The following MEP1B variants were observed in gnomAD, a reference collection of about 807,000 sequenced individuals.
MEP1B encodes the protein meprin A subunit beta.
A neutral mutation model predicts 84.6 loss-of-function variants in MEP1B; 80 were observed. The ratio of observed to expected loss-of-function variants is 0.95; its 90% CI spans 0.79 to 1.14. The LOEUF is 1.14. MEP1B is among the 50% of genes most tolerant of loss of function. The probability of loss-of-function intolerance (pLI) is 0.00; values close to 1 mark genes in which losing one functional copy is unlikely to be tolerated. For synonymous variants in MEP1B, 273 were observed against 288.1 expected (o/e 0.95, Z 0.53); for missense variants, 766 against 855.1 (o/e 0.90, Z 1.30).
At position 32,196,642 on chromosome 18, in the gene MEP1B, C is replaced by T; in HGVS notation, c.250+1157C>T. ...CTGTGCAGCACCCGCCTGATGTTGT[C>T]CAGCACGCCACCTCGGGGTGTCTTC... On this transcript the variant is annotated intron_variant, in intron 5 of 14. Transcript: ENST00000269202. This position sits in a 1 kb window ranked among gnomAD's most constrained non-coding sequence, Gnocchi z 4.4. The T allele has an allele frequency of 1.4e-6, 1 of 696,650 alleles. No individual in the cohort carries two copies. The highest frequency in any genetic ancestry group is 2.6e-5 in the East Asian group (1 of 38,490). 43.2% of individuals were successfully genotyped at this position (696,650 alleles called of 1,614,324 possible).
chr18:32,197,857 C>T (rs767123121), intron 5 of MEP1B, among the ~76,000 whole-genome samples: 34 of 152,186 alleles, frequency 2.2e-4, no homozygotes, highest in Non-Finnish European at 3.8e-4. Context: ...GCATAGCACC[C>T]AATAGGTGGC....
At position 32,196,230 on chromosome 18, in the gene MEP1B, G is replaced by A. The variant is rs956777387; in HGVS notation, c.250+745G>A. ...TTTGGCTGAGAGGAATGAAGAGGAT[G>A]CCATTGATGCCTTTGAACTGCTCCA... On this transcript the variant is annotated intron_variant, in intron 5 of 14. Coordinates refer to ENST00000269202, the MANE Select transcript of MEP1B (RefSeq NM_005925.3). This position sits in a 1 kb window ranked among gnomAD's most constrained non-coding sequence, Gnocchi z 4.4. 4.9e-5 allele frequency: 34 copies of A among 696,264 alleles called. No homozygotes were observed. In the African/African-American group the frequency reaches 5.1e-4, roughly 10 times the overall value. The allele number at this position is 696,264 out of a possible 1,614,324, so 43.1% of individuals were successfully genotyped here.
In MEP1B at chr18:32,219,213, C is replaced by G. The variant is rs1287184889; in HGVS notation, c.2092-1018C>G. Among the ~76,000 whole-genome samples, 9 of 152,096 alleles carry G rather than the reference C, an allele frequency of 5.9e-5. No homozygotes were observed. The East Asian group carries it at 1.3e-3, about 23-fold the overall frequency. ...AGCTACGAGTTTTTAAAGGGGACAG[C>G]CTGGTATCAAGTCAGTCAAAACATG... On this transcript the variant is annotated intron_variant, in intron 14 of 14. Coordinates refer to ENST00000269202, the MANE Select transcript of MEP1B (RefSeq NM_005925.3).
At chr18:32,201,205 T>C (rs1250343061) in intron 5 of MEP1B, among the ~76,000 whole-genome samples, 3 of 152,128 alleles carry the variant, frequency 2.0e-5, no homozygotes, top group Non-Finnish European at 4.4e-5. Flanking sequence ...AGTATTATCA[T>C]ACCTTATTTG....
At chr18:32,210,269 T>G (rs1008708252) in intron 9 of MEP1B, among the ~76,000 whole-genome samples, 11 of 152,252 alleles carry the variant, frequency 7.2e-5, no homozygotes, top group African/African-American at 2.7e-4. Context: ...AAACTACTAT[T>G]GTAAGTAAAC....
At chr18:32,202,834 A>G in intron 5 of MEP1B, 59 bp from the exon 6 acceptor site, 1 of 1,077,546 alleles carries the variant, frequency 9.3e-7, no homozygotes, top group South Asian at 1.4e-5. Context: ...GCTTCCATGG[A>G]AGATTTTTCA....
chr18:32,209,643 A>T (rs1418638291), intron 9 of MEP1B, among the ~76,000 whole-genome samples: 2 of 152,062 alleles, frequency 1.3e-5, no homozygotes, highest in African/African-American at 4.8e-5. Context: ...GTTATTCTCA[A>T]TTTTTTCATT....
chr18:32,200,992 T>C (rs1453778998), intron 5 of MEP1B, among the ~76,000 whole-genome samples: 1 of 152,180 alleles, frequency 6.6e-6, no homozygotes, highest in Non-Finnish European at 1.5e-5. Flanking sequence ...TCTGCATCTA[T>C]AACGCAAGGT....
Position 32,196,563 on chromosome 18 carries a change from C to T in MEP1B, c.250+1078C>T. ...AGCTTTGGGCCCTTGGTACTTGGTGCTGACGGCCAGCGCGTTGTCCAGGAA... is the reference window on the plus strand; with the variant it reads ...AGCTTTGGGCCCTTGGTACTTGGTGTTGACGGCCAGCGCGTTGTCCAGGAA... On this transcript the variant is annotated intron_variant, in intron 5 of 14. Coordinates refer to ENST00000269202, the MANE Select transcript of MEP1B (RefSeq NM_005925.3). This position sits in a 1 kb window ranked among gnomAD's most constrained non-coding sequence, Gnocchi z 4.4. The T allele has an allele frequency of 1.4e-6, 1 of 707,466 alleles. No homozygotes were observed. Among genetic ancestry groups the T allele is most frequent in the Non-Finnish European group, 2.6e-6 (1 of 385,012 alleles). The allele number at this position is 707,466 out of a possible 1,614,324, so 43.8% of individuals were successfully genotyped here.
Position 32,213,532 on chromosome 18 carries a change from A to G in MEP1B, c.1552A>G (p.Ile518Val), listed in dbSNP as rs1180892157. The G allele has an allele frequency of 6.8e-6, 11 of 1,613,552 alleles. No homozygotes were observed. Among genetic ancestry groups the G allele is most frequent in the East Asian group, 6.7e-5 (3 of 44,904 alleles). Residue 518 changes from isoleucine to valine, a missense_variant, in exon 11 of 15, where the codon ATA becomes GTA. Coordinates refer to ENST00000269202, the MANE Select transcript of MEP1B (RefSeq NM_005925.3). The part of the protein sequence containing the change: ...IRQRMSNQRS[I>V]TTDPFMTTDN... Reference sequence around the variant, plus strand: ...ACAGCGTATGTCCAATCAGCGGAGTATAACTACAGACCCATTTATGACCAC... The same window carrying G: ...ACAGCGTATGTCCAATCAGCGGAGTGTAACTACAGACCCATTTATGACCAC...
chr18:32,209,325 A>G (rs2040998662), intron 9 of MEP1B, among the ~76,000 whole-genome samples: 1 of 152,114 alleles, frequency 6.6e-6, no homozygotes, highest in African/African-American at 2.4e-5. Flanking sequence ...TGTCTCTACT[A>G]AAAATGCAAA....
chr18:32,202,954 T>A lies in MEP1B; in HGVS notation c.312T>A (p.Ile104=). ...AFERYRLKTC[I]DFKPWAGETN... ...AACGTTATCGCCTTAAAACATGTAT[T>A]GACTTTAAGCCTTGGGCTGGAGAAA... The change falls in exon 6 of 15, where the codon ATT becomes ATA. Residue 104 remains isoleucine (I), a synonymous_variant. Coordinates refer to ENST00000269202, the MANE Select transcript of MEP1B (RefSeq NM_005925.3). The A allele has an allele frequency of 6.2e-7, 1 of 1,613,066 alleles. No individual in the cohort carries two copies. The highest frequency in any genetic ancestry group is 8.5e-7 in the Non-Finnish European group (1 of 1,179,558).
intron 4 of MEP1B, 72 bp downstream of exon 4, chr18:32,192,889 AT>A: frequency 1.7e-6 from 2 of 1,183,356 alleles, no homozygotes; most frequent in Non-Finnish European, 2.5e-6. Flanking sequence ...ACTGAGAAAG[AT>A]TAGACAGCAT....
At position 32,195,457 on chromosome 18, in the gene MEP1B, C is replaced by A. The variant is rs748990313; in HGVS notation, c.222C>A (p.Thr74=). 2 of 1,611,090 alleles carry A rather than the reference C, an allele frequency of 1.2e-6. No homozygotes were observed. The highest frequency in any genetic ancestry group is 1.1e-5 in the South Asian group (1 of 90,816). Residue 74 remains threonine (T), a synonymous_variant, in exon 5 of 15, where the codon ACC becomes ACA. Transcript: ENST00000269202. ...IIGEKYRWPH[T]IPYVLEDSLE... is the part of the protein sequence containing the mutation. ...GAGAAAAGTATAGATGGCCTCATAC[C>A]ATTCCATATGTTCTAGAAGATAGCT...
chr18:32,203,823 C>A (rs949394469), intron 6 of MEP1B, among the ~76,000 whole-genome samples: 5 of 152,048 alleles, frequency 3.3e-5, no homozygotes, highest in African/African-American at 1.2e-4. Flanking sequence ...ATGGCAAAAG[C>A]AGGAGCCAGA....
chr18:32,207,562 G>A (rs2040979175), intron 8 of MEP1B, 92 bp downstream of exon 8: 3 of 825,124 alleles, frequency 3.6e-6, no homozygotes, highest in Non-Finnish European at 6.0e-6. Flanking sequence ...CATTGGTGGG[G>A]TTTCTGCGAT....
intron 1 of MEP1B, among the ~76,000 whole-genome samples, 179 bp from the exon 2 acceptor site, chr18:32,191,643 C>T (rs1294553628): frequency 6.6e-6 from 1 of 151,768 alleles, no homozygotes; most frequent in Non-Finnish European, 1.5e-5. Flanking sequence ...ATGAGAAGAC[C>T]CTTTGGTCAA....
intron 12 of MEP1B, among the ~76,000 whole-genome samples, chr18:32,215,592 A>G (rs2041075533): frequency 6.6e-6 from 1 of 152,194 alleles, no homozygotes; most frequent in Non-Finnish European, 1.5e-5. Context: ...TGGGAGACCG[A>G]GGCGAGTGGA....
Position 32,210,679 on chromosome 18 carries a change from T to G in MEP1B, c.1098T>G (p.Asn366Lys). 6.2e-7 allele frequency: 1 copy of G among 1,613,896 alleles called. No homozygotes were observed. Among genetic ancestry groups the G allele is most frequent in the Non-Finnish European group, 8.5e-7 (1 of 1,179,836 alleles). The change falls in exon 10 of 15, where the codon AAT (asparagine) becomes AAG (lysine). Residue 366 changes from asparagine to lysine, a missense_variant. Physicochemically the swap from Asn to Lys is moderately conservative, Grantham distance 94. Transcript: ENST00000269202. ...NIYIREYSAD[N>K]VDGNLTLVEE... ...ATATCAGGGAGTATTCTGCAGACAA[T>G]GTGGATGGCAATTTAACCCTTGTGG...
Sources: gnomAD v4.1 joint callset for allele counts (sites outside exome capture counted in the v4.1 genomes callset) on GRCh38, gnomAD v4.1.1 for gene constraint, Gnocchi (gnomAD v3.1) non-coding constraint, MANE v1.5 for transcripts, NCBI Gene and HGNC (gene_info 2026-07-23, HGNC 2026-07-21) for gene names.